Variants in PKIA observed in about 807,000 individuals in gnomAD.
PKIA encodes cAMP-dependent protein kinase inhibitor alpha, also known as PKI-alpha.
A neutral mutation model predicts 7.6 loss-of-function variants in PKIA; 4 were observed. The ratio of observed to expected loss-of-function variants is 0.52; its 90% CI spans 0.26 to 1.20. PKIA has a LOEUF of 1.20. PKIA is among the 50% of genes most tolerant of loss of function. The pLI, the probability that PKIA is intolerant of heterozygous loss-of-function variation, is 0.13. For synonymous variants in PKIA, 21 were observed against 30.7 expected (o/e 0.68, Z 1.04); for missense variants, 73 against 86.2 (o/e 0.85, Z 0.61).
intron 1 of PKIA, among the ~76,000 whole-genome samples, chr8:78,561,579 T>G (rs1032007537): frequency 1.3e-5 from 2 of 152,104 alleles, no homozygotes; most frequent in Admixed American, 1.3e-4. Flanking sequence ...TGCCAGGCAG[T>G]CTTAGGGTCA....
chr8:78,569,376 A>G (rs1807495674), intron 1 of PKIA, among the ~76,000 whole-genome samples: 1 of 152,104 alleles, frequency 6.6e-6, no homozygotes, highest in African/African-American at 2.4e-5. Context: ...AGCAAGGCCA[A>G]AGGCGGAGCT....
At chr8:78,592,046 G>C (rs1355384567) in intron 2 of PKIA, among the ~76,000 whole-genome samples, 1 of 151,816 alleles carries the variant, frequency 6.6e-6, no homozygotes, top group Non-Finnish European at 1.5e-5. Flanking sequence ...GTCTATACAG[G>C]TATGCTTGAT....
intron 2 of PKIA, among the ~76,000 whole-genome samples, chr8:78,576,416 C>T (rs918766228): frequency 6.6e-6 from 1 of 151,850 alleles, no homozygotes; most frequent in East Asian, 1.9e-4. Flanking sequence ...GCTAATATTA[C>T]CTGTTAATAA....
chr8:78,575,469 T>C (rs1807650621), intron 2 of PKIA, among the ~76,000 whole-genome samples: 1 of 152,014 alleles, frequency 6.6e-6, no homozygotes, highest in African/African-American at 2.4e-5. Context: ...TGTTTATTCA[T>C]TGTTATCACT....
intron 2 of PKIA, among the ~76,000 whole-genome samples, chr8:78,585,912 C>T (rs978993898): frequency 2.0e-5 from 3 of 152,148 alleles, no homozygotes; most frequent in South Asian, 2.1e-4. Flanking sequence ...AGACTTTCCA[C>T]GTTGCTGTTC....
rs562446104 is a variant in PKIA, at chr8:78,601,726, C to T, written c.152-16C>T. 35 of 1,597,976 alleles carry T rather than the reference C, an allele frequency of 2.2e-5. No individual in the cohort carries two copies. The highest frequency in any genetic ancestry group is 1.3e-4 in the South Asian group (12 of 90,204). ...TTTTATTTTGCCTTTATTCTGTTTT[C>T]GTTTTTCTTTTGCAGAAGGTGAAGA... On this transcript the variant is annotated splice_polypyrimidine_tract_variant and intron_variant, in intron 3 of 3. Transcript: ENST00000396418.
At chr8:78,581,742 T>A (rs1807813719) in intron 2 of PKIA, among the ~76,000 whole-genome samples, 1 of 152,098 alleles carries the variant, frequency 6.6e-6, no homozygotes, top group African/African-American at 2.4e-5. Flanking sequence ...GACAACTCAA[T>A]GAAATGTGAT....
At chr8:78,591,695 A>G (rs16905835) in intron 2 of PKIA, among the ~76,000 whole-genome samples, 2,267 of 152,230 alleles carry the variant, frequency 0.015, 60 homozygotes, top group African/African-American at 0.053. Flanking sequence ...GAATATTAGT[A>G]TAATTGGATC....
chr8:78,586,651 A>G (rs887919468), intron 2 of PKIA, among the ~76,000 whole-genome samples: 1 of 151,998 alleles, frequency 6.6e-6, no homozygotes, highest in Non-Finnish European at 1.5e-5. Context: ...TACTGTTGAG[A>G]TATCAATAGA....
intron 2 of PKIA, among the ~76,000 whole-genome samples, chr8:78,596,792 CA>C (rs996687929): frequency 5.3e-5 from 8 of 152,088 alleles, no homozygotes; most frequent in African/African-American, 1.9e-4. Context: ...AGAGTTTTTA[CA>C]GTTTCAGGTT....
At chr8:78,546,169 G>A (rs1446213389) in intron 1 of PKIA, among the ~76,000 whole-genome samples, 4 of 152,126 alleles carry the variant, frequency 2.6e-5, no homozygotes, top group African/African-American at 2.4e-5. Context: ...TGATTGTCCT[G>A]GGGACATGAC....
intron 1 of PKIA, among the ~76,000 whole-genome samples, chr8:78,561,388 A>C (rs913869085): frequency 2.0e-5 from 3 of 152,104 alleles, no homozygotes; most frequent in African/African-American, 7.2e-5. Context: ...AAAAAGACAG[A>C]AATGCTCCTT....
intron 1 of PKIA, among the ~76,000 whole-genome samples, chr8:78,522,456 T>C (rs949146634): frequency 6.6e-6 from 1 of 151,872 alleles, no homozygotes; most frequent in Admixed American, 6.6e-5. Flanking sequence ...TTATAGACTA[T>C]AAAAATCCTA....
At chr8:78,522,586 CTT>C (rs1480514356) in intron 1 of PKIA, among the ~76,000 whole-genome samples, 2 of 151,848 alleles carry the variant, frequency 1.3e-5, no homozygotes, top group Admixed American at 6.6e-5. Context: ...AATATTCTCT[CTT>C]TTTTCATTTC....
At chr8:78,568,141 T>C (rs1051501915) in intron 1 of PKIA, among the ~76,000 whole-genome samples, 1 of 152,168 alleles carries the variant, frequency 6.6e-6, no homozygotes, top group Admixed American at 6.6e-5. Flanking sequence ...TGTGTATGTA[T>C]ACTAACAATG....
intron 2 of PKIA, among the ~76,000 whole-genome samples, chr8:78,577,157 C>T (rs1807693741): frequency 6.6e-6 from 1 of 151,874 alleles, no homozygotes; most frequent in African/African-American, 2.4e-5. Context: ...GCACAACGTG[C>T]AGGTTTGTTA....
chr8:78,520,681 A>C (rs1028648992), intron 1 of PKIA, among the ~76,000 whole-genome samples: 2 of 152,178 alleles, frequency 1.3e-5, no homozygotes, highest in African/African-American at 4.8e-5. Flanking sequence ...AGTGCTTTTT[A>C]AACTTTTAGG....
chr8:78,589,396 T>C (rs1180794944), intron 2 of PKIA, among the ~76,000 whole-genome samples: 1 of 152,226 alleles, frequency 6.6e-6, no homozygotes, highest in East Asian at 1.9e-4. Flanking sequence ...AAGTATTTTC[T>C]AAAGAAAGAT....
chr8:78,596,086 G>A (rs555471818), intron 2 of PKIA, among the ~76,000 whole-genome samples: 1 of 152,084 alleles, frequency 6.6e-6, no homozygotes, highest in South Asian at 2.1e-4. Context: ...GTGGTATCTC[G>A]TAGTTTTGAT....
Sources: gnomAD v4.1 joint callset for allele counts (sites outside exome capture counted in the v4.1 genomes callset) on GRCh38, gnomAD v4.1.1 for gene constraint, MANE v1.5 for transcripts, NCBI Gene and HGNC (gene_info 2026-07-23, HGNC 2026-07-21) for gene names.